The following SRRM3 variants were observed in gnomAD, a reference collection of about 807,000 sequenced individuals.
SRRM3 encodes the protein serine/arginine repetitive matrix protein 3.
SRRM3 carries 27 observed loss-of-function variants against 66.2 expected under a neutral mutation model. That is an observed-to-expected ratio of 0.41 (90% CI 0.30 to 0.56). The LOEUF is 0.56. Ranked by LOEUF, SRRM3 falls within the 20% of genes least tolerant of loss-of-function variation. The pLI is 0.32. For missense variants in SRRM3, 918 were observed against 991.9 expected (o/e 0.93, Z 1.00); for synonymous variants, 391 against 414.9 (o/e 0.94, Z 0.70).
intron 1 of SRRM3, among the ~76,000 whole-genome samples, chr7:76,202,454 G>A (rs1180857010): frequency 1.3e-5 from 2 of 152,148 alleles, no homozygotes; most frequent in Non-Finnish European, 2.9e-5. Context: ...CTGGTGAAGG[G>A]AGCAGGCCCC....
chr7:76,271,762 A>G (rs1802220177), intron 11 of SRRM3, among the ~76,000 whole-genome samples: 2 of 152,186 alleles, frequency 1.3e-5, no homozygotes, highest in African/African-American at 4.8e-5. Context: ...CCCTGAGCAG[A>G]AGGAGGATTT....
chr7:76,202,304 C>T (rs1163537606), intron 1 of SRRM3, among the ~76,000 whole-genome samples: 1 of 152,178 alleles, frequency 6.6e-6, no homozygotes, highest in East Asian at 1.9e-4. Flanking sequence ...GCAGGACTCC[C>T]CTGGGCATAA....
intron 3 of SRRM3, among the ~76,000 whole-genome samples, chr7:76,255,379 C>G (rs1358021402): frequency 6.6e-6 from 1 of 151,968 alleles, no homozygotes; most frequent in Non-Finnish European, 1.5e-5. Context: ...GAACTCCCGA[C>G]CTCAGGTGAT....
At chr7:76,236,014 A>AAAAAAAAAAAAAAAC (rs1801141880) in intron 2 of SRRM3, among the ~76,000 whole-genome samples, 1 of 141,076 alleles carries the variant, frequency 7.1e-6, no homozygotes, top group Non-Finnish European at 1.5e-5. Flanking sequence ...TCAAAAAAAA[A>AAAAAAAAAAAAAAAC]AAAAAAAAAA....
At chr7:76,259,090 GAAAGA>G (rs1207416932) in intron 3 of SRRM3, among the ~76,000 whole-genome samples, 10 of 150,062 alleles carry the variant, frequency 6.7e-5, no homozygotes, top group African/African-American at 2.0e-4. Context: ...AAAAAAAAAA[GAAAGA>G]AAAGAAAAGA....
At chr7:76,263,875 G>GCCAAAAAAAAAAAAAAAAAAAA (rs1243393227) in intron 8 of SRRM3, among the ~76,000 whole-genome samples, 1 of 26,760 alleles carries the variant, frequency 3.7e-5, no homozygotes, top group Non-Finnish European at 6.9e-5. Flanking sequence ...TCTGTCTCAA[G>GCCAAAAAAAAAAAAAAAAAAAA]ACAAAAAAAA....
At chr7:76,229,693 C>T (rs1197656400) in intron 1 of SRRM3, among the ~76,000 whole-genome samples, 1 of 151,702 alleles carries the variant, frequency 6.6e-6, no homozygotes. Flanking sequence ...GACCCAGCTT[C>T]AGAATGTGGC....
intron 2 of SRRM3, among the ~76,000 whole-genome samples, chr7:76,237,178 C>T (rs1583894376): frequency 1.3e-5 from 2 of 152,040 alleles, no homozygotes; most frequent in South Asian, 2.1e-4. Context: ...GAGGACAAGG[C>T]GGGCAGATCG....
At chr7:76,228,117 G>A (rs1053868251) in intron 1 of SRRM3, among the ~76,000 whole-genome samples, 17 of 152,114 alleles carry the variant, frequency 1.1e-4, no homozygotes, top group Non-Finnish European at 1.9e-4. Context: ...TGATCCACCC[G>A]CCTCTGCCTC....
intron 1 of SRRM3, among the ~76,000 whole-genome samples, chr7:76,223,034 A>G (rs1800764935): frequency 6.6e-6 from 1 of 151,938 alleles, no homozygotes; most frequent in African/African-American, 2.4e-5. Flanking sequence ...ATGCTTCAAG[A>G]TCTCTCCTCC....
At chr7:76,243,913 C>T (rs1032301032) in intron 2 of SRRM3, among the ~76,000 whole-genome samples, 7 of 152,170 alleles carry the variant, frequency 4.6e-5, no homozygotes, top group Non-Finnish European at 8.8e-5. Flanking sequence ...GGGTGGGGCA[C>T]CACCCTTTCT....
chr7:76,238,564 G>A (rs1233065822), intron 2 of SRRM3, among the ~76,000 whole-genome samples: 4 of 151,346 alleles, frequency 2.6e-5, no homozygotes, highest in African/African-American at 7.3e-5. Context: ...ACCGCGGGGC[G>A]GGACGGAGCC....
chr7:76,244,553 GA>G (rs1801390988), intron 2 of SRRM3, among the ~76,000 whole-genome samples: 2 of 148,482 alleles, frequency 1.3e-5, no homozygotes, highest in African/African-American at 2.5e-5. Flanking sequence ...AGTTGAAGAA[GA>G]AGAAGAAGTA....
chr7:76,248,864 C>T (rs1297221079), intron 3 of SRRM3, among the ~76,000 whole-genome samples: 3 of 152,176 alleles, frequency 2.0e-5, no homozygotes, highest in Non-Finnish European at 4.4e-5. Flanking sequence ...CCTGTAATCC[C>T]AGCTACTTGG....
chr7:76,260,238 G>A (rs1554608438), intron 5 of SRRM3, 41 bp downstream of exon 5: 14 of 1,467,174 alleles, frequency 9.5e-6, no homozygotes, highest in South Asian at 8.9e-5. Flanking sequence ...GGAGGAGGAG[G>A]TGGGGTCTCT....
At chr7:76,205,986 G>A (rs1016083988) in intron 1 of SRRM3, among the ~76,000 whole-genome samples, 14 of 139,164 alleles carry the variant, frequency 1.0e-4, no homozygotes, top group Admixed American at 9.9e-4. Flanking sequence ...CTTCGTGGGT[G>A]GGGGGTCATC....
intron 1 of SRRM3, among the ~76,000 whole-genome samples, chr7:76,214,707 C>T (rs1365863273): frequency 1.3e-5 from 2 of 152,068 alleles, no homozygotes. Context: ...AACTCTTCCT[C>T]TCCCTTAGTT....
At position 76,261,413 on chromosome 7, in the gene SRRM3, A is replaced by G. The variant is rs1554608724; in HGVS notation, c.637A>G (p.Arg213Gly). 5 of 1,601,890 alleles carry G rather than the reference A, an allele frequency of 3.1e-6. No individual in the cohort carries two copies. Among genetic ancestry groups the G allele is most frequent in the Non-Finnish European group, 4.3e-6 (5 of 1,174,442 alleles). ...GAGTGTGAAGAAGCATCGCCGAGAC[A>G]GGTACCCTTGCTGCCCCCACCCTGG... ...KKSVKKHRRDRSDSGSRRKRR... is the reference protein window; with the variant it reads ...KKSVKKHRRDGSDSGSRRKRR... Residue 213 changes from arginine (R) to glycine (G), a missense_variant and splice_region_variant, in exon 7 of 15, where the codon AGG becomes GGG. Coordinates refer to ENST00000611745, the MANE Select transcript of SRRM3 (RefSeq NM_001110199.3).
At chr7:76,244,489 A>C (rs1288570010) in intron 2 of SRRM3, among the ~76,000 whole-genome samples, 2 of 146,614 alleles carry the variant, frequency 1.4e-5, no homozygotes, top group Non-Finnish European at 3.0e-5. Flanking sequence ...GTGCCACTGC[A>C]CTCTAGCCTG....
Sources: gnomAD v4.1 joint callset for allele counts (sites outside exome capture counted in the v4.1 genomes callset) on GRCh38, gnomAD v4.1.1 for gene constraint, MANE v1.5 for transcripts, NCBI Gene and HGNC (gene_info 2026-07-23, HGNC 2026-07-21) for gene names.